The following ECPAS variants were observed in gnomAD, a reference collection of about 807,000 sequenced individuals.
ECPAS encodes proteasome adapter and scaffold protein ECM29.
In ECPAS, 70 loss-of-function variants were observed where a neutral mutation model predicts 255.1. The ratio of observed to expected loss-of-function variants is 0.27; its 90% CI spans 0.23 to 0.33. The LOEUF is 0.33. Among genes scored for constraint, ECPAS ranks in the 10% least tolerant of loss-of-function variants. The pLI is 1.00. For missense variants in ECPAS, 1,817 were observed against 2,206.4 expected (o/e 0.82, Z 3.54); for synonymous variants, 784 against 775.0 (o/e 1.01, Z -0.19).
Position 111,375,094 on chromosome 9 carries a change from T to C in ECPAS, c.4110+19A>G, listed in dbSNP as rs779899485. The C allele has an allele frequency of 5.1e-6, 8 of 1,571,550 alleles. No homozygotes were observed. Among genetic ancestry groups the C allele is most frequent in the Admixed American group, 3.3e-5 (2 of 59,898 alleles). Reference sequence around the variant, plus strand: ...AACTAATGAAGATGCACATTTCCTCTTGTGGAAAGTACACTTACCTTAGTT... The same window carrying C: ...AACTAATGAAGATGCACATTTCCTCCTGTGGAAAGTACACTTACCTTAGTT... On this transcript the variant is annotated intron_variant, in intron 38 of 49. Transcript: ENST00000684092.
intron 17 of ECPAS, among the ~76,000 whole-genome samples, chr9:111,416,758 C>T (rs572168899): frequency 1.6e-4 from 25 of 152,128 alleles, no homozygotes; most frequent in Non-Finnish European, 2.6e-4. Context: ...CCTTCAACTC[C>T]CTTAAGGTGC....
At chr9:111,455,963 G>A (rs2098266436) in intron 2 of ECPAS, among the ~76,000 whole-genome samples, 1 of 152,158 alleles carries the variant, frequency 6.6e-6, no homozygotes, top group South Asian at 2.1e-4. Flanking sequence ...GACAATCACT[G>A]AAGCTAGGGG....
intron 43 of ECPAS, among the ~76,000 whole-genome samples, chr9:111,371,116 A>C (rs2098126756): frequency 6.6e-6 from 1 of 152,046 alleles, no homozygotes; most frequent in African/African-American, 2.4e-5. Context: ...CATAAAGATC[A>C]TTAGGTTACC....
intron 27 of ECPAS, 56 bp downstream of exon 27, chr9:111,393,624 T>C: frequency 8.6e-7 from 1 of 1,168,184 alleles, no homozygotes; most frequent in Non-Finnish European, 1.3e-6. Flanking sequence ...TCCAGGTTTT[T>C]GAACATTTAA....
rs555113373 is a variant in ECPAS at position 111,392,429 on chromosome 9, C to T, written c.3092+339G>A. Among the ~76,000 whole-genome samples, 19 of 152,298 alleles carry T rather than the reference C, an allele frequency of 1.2e-4. 2 individuals carry two copies. The East Asian group carries it at 3.7e-3, about 29-fold the overall frequency. ...CAATCCCTTACACAGATGATTTCCC[C>T]TCACACTCTTCACGGGTTAGACTAT... On this transcript the variant is annotated intron_variant, in intron 28 of 49. Coordinates refer to ENST00000684092, the MANE Select transcript of ECPAS (RefSeq NM_001364929.1).
chr9:111,465,413 G>A (rs1405071393), intron 2 of ECPAS, among the ~76,000 whole-genome samples: 1 of 151,212 alleles, frequency 6.6e-6, no homozygotes, highest in African/African-American at 2.4e-5. Context: ...GGTGGCGGGC[G>A]CCTGTAATCC....
intron 7 of ECPAS, 81 bp from the exon 8 acceptor site, chr9:111,433,453 T>C (rs2098233052): frequency 2.7e-6 from 4 of 1,482,970 alleles, no homozygotes; most frequent in Non-Finnish European, 2.8e-6. Context: ...AACATATCAG[T>C]GTGGTCACAA....
In ECPAS at chr9:111,376,512, A is replaced by G; in HGVS notation, c.3984T>C (p.Ala1328=). ...TTTCCATCATTGGAGAAGATTTGGC[A>G]GCACTAAGCCGAGCACTATCCATCG... The part of the protein sequence containing the change: ...KAAMDSARLS[A]AKSSPMMETI... Residue 1328 remains alanine (A), a synonymous_variant, in exon 37 of 50, where the codon GCT becomes GCC. Coordinates refer to ENST00000684092, the MANE Select transcript of ECPAS (RefSeq NM_001364929.1). 1 of 1,600,930 alleles carries G rather than the reference A, an allele frequency of 6.2e-7. No individual in the cohort carries two copies. Among genetic ancestry groups the G allele is most frequent in the Non-Finnish European group, 8.5e-7 (1 of 1,173,356 alleles).
Position 111,385,712 on chromosome 9 carries a change from G to C in ECPAS, c.3528-270C>G, listed in dbSNP as rs181921536. ...TTCACCAGTGTGCCTCCAAGGCCTA[G>C]CACACTGCCACATACACACTGGGCA... On this transcript the variant is annotated intron_variant, in intron 32 of 49. Coordinates refer to ENST00000684092, the MANE Select transcript of ECPAS (RefSeq NM_001364929.1). Among the ~76,000 whole-genome samples, 317 of 152,200 alleles carry C rather than the reference G, an allele frequency of 2.1e-3. 1 individual carries two copies. The highest frequency in any genetic ancestry group is 8.0e-3 in the Admixed American group (123 of 15,296).
chr9:111,376,394 A>G, intron 37 of ECPAS, 82 bp downstream of exon 37: 2 of 1,170,182 alleles, frequency 1.7e-6, no homozygotes, highest in East Asian at 5.1e-5. Flanking sequence ...TCTCTGCTTC[A>G]TTTAACATAG....
intron 3 of ECPAS, among the ~76,000 whole-genome samples, chr9:111,449,892 C>A (rs1366528178): frequency 6.6e-6 from 1 of 152,170 alleles, no homozygotes; most frequent in African/African-American, 2.4e-5. Flanking sequence ...CACTCTGTCC[C>A]AGCTCAGAAC....
chr9:111,383,357 T>C (rs751291201), intron 34 of ECPAS, 25 bp from the exon 35 acceptor site: 4 of 1,594,202 alleles, frequency 2.5e-6, no homozygotes, highest in Non-Finnish European at 2.6e-6. Flanking sequence ...GCATGGACGT[T>C]AGTGAAAGTG....
At chr9:111,481,268 G>A (rs1289755167) in intron 1 of ECPAS, among the ~76,000 whole-genome samples, 1 of 152,042 alleles carries the variant, frequency 6.6e-6, no homozygotes, top group Non-Finnish European at 1.5e-5. Flanking sequence ...AGGCCGAGGC[G>A]GGTGGATCAC....
chr9:111,394,423 G>A (rs2098164766), intron 25 of ECPAS, 118 bp from the exon 26 acceptor site: 1 of 940,728 alleles, frequency 1.1e-6, no homozygotes, highest in South Asian at 3.1e-5. Flanking sequence ...AAATCTAAAT[G>A]GCTAAGGTGT....
intron 13 of ECPAS, 81 bp downstream of exon 13, chr9:111,423,118 A>G: frequency 1.1e-6 from 1 of 947,794 alleles, no homozygotes; most frequent in Non-Finnish European, 1.6e-6. Flanking sequence ...CGACAAATTT[A>G]TTCTCCGCCA....
At position 111,442,383 on chromosome 9, in the gene ECPAS, T is replaced by G. The variant is rs779569000; in HGVS notation, c.312A>C (p.Leu104=). The G allele has an allele frequency of 1.2e-6, 2 of 1,612,374 alleles. No homozygotes were observed. Among genetic ancestry groups the G allele is most frequent in the Admixed American group, 3.3e-5 (2 of 59,932 alleles). ...IIYVKMGYPR[L]PVEKQCELAP... ...CCAGTTCACATTGTTTTTCCACTGG[T>G]AGGCGAGGATAGCCCATTTTAACAT... Residue 104 remains leucine (L), a synonymous_variant, in exon 5 of 50, where the codon CTA becomes CTC. Coordinates refer to ENST00000684092, the MANE Select transcript of ECPAS (RefSeq NM_001364929.1).
chr9:111,378,569 T>C lies in ECPAS; in HGVS notation c.3954+11A>G, dbSNP rs763210237. On this transcript the variant is annotated intron_variant, in intron 36 of 49. Transcript: ENST00000684092. ...ATGATACTTACCAATATGCCTGCGC[T>C]ATCCACTCACCTTTTCTTGCTCTGT... 4 of 1,610,884 alleles carry C rather than the reference T, an allele frequency of 2.5e-6. No individual in the cohort carries two copies. The highest frequency in any genetic ancestry group is 3.3e-5 in the Admixed American group (2 of 59,908).
Position 111,383,253 on chromosome 9 carries a change from T to C in ECPAS, c.3761A>G (p.Asp1254Gly). 6.2e-7 allele frequency: 1 copy of C among 1,613,792 alleles called. No individual in the cohort carries two copies. The highest frequency in any genetic ancestry group is 8.5e-7 in the Non-Finnish European group (1 of 1,179,810). The change falls in exon 35 of 50, where the codon GAC becomes GGC. Residue 1254 changes from aspartate to glycine, a missense_variant. Asp to Gly is a moderately conservative substitution (Grantham distance 94). This residue lies in a region of ECPAS where 960 missense variants were observed against 1,179.0 expected (regional missense o/e 0.81). Coordinates refer to ENST00000684092, the MANE Select transcript of ECPAS (RefSeq NM_001364929.1). ...CGTCACGGTGCTCATCATTCCTTTG[T>C]CCAGAAGGCAAGGCAGAAGGGCAGC... ...TIAALLPCLL[D>G]KGMMSTVTEV...
chr9:111,383,129 T>C (rs1388561138), intron 35 of ECPAS, 82 bp downstream of exon 35: 14 of 1,530,022 alleles, frequency 9.2e-6, no homozygotes, highest in Non-Finnish European at 1.3e-5. Flanking sequence ...TCTCCATATT[T>C]TCCAGAATCT....
Sources: gnomAD v4.1 joint callset for allele counts (sites outside exome capture counted in the v4.1 genomes callset) on GRCh38, gnomAD v4.1.1 for gene constraint, gnomAD v4.1.1 regional missense constraint, MANE v1.5 for transcripts, NCBI Gene and HGNC (gene_info 2026-07-23, HGNC 2026-07-21) for gene names.